ADAMTS8: variants seen among roughly 807,000 people sequenced by gnomAD.
ADAMTS8 encodes A disintegrin and metalloproteinase with thrombospondin motifs 8.
A neutral mutation model predicts 64.4 loss-of-function variants in ADAMTS8; 50 were observed. The observed-to-expected ratio is 0.78, with a 90% confidence interval of 0.62 to 0.98. ADAMTS8 has a LOEUF of 0.98. Ranked by LOEUF, ADAMTS8 falls within the 50% of genes least tolerant of loss-of-function variation. The probability of loss-of-function intolerance (pLI) is 0.00; values close to 1 mark genes in which losing one functional copy is unlikely to be tolerated. For missense variants in ADAMTS8, 1,192 were observed against 1,208.2 expected (o/e 0.99, Z 0.20); for synonymous variants, 556 against 533.6 (o/e 1.04, Z -0.58).
intron 5 of ADAMTS8, among the ~76,000 whole-genome samples, chr11:130,412,467 G>A (rs1384746311): frequency 2.6e-5 from 4 of 152,118 alleles, no homozygotes; most frequent in African/African-American, 9.7e-5. Context: ...ACCTGCCTCG[G>A]CCTCCCAAAG....
Position 130,416,375 on chromosome 11 carries a change from G to A in ADAMTS8, c.1097-45C>T. ...CCACTCCGCCCTGTCCTGCCTGAGG[G>A]CGCCCCACCTGGCCCAGCTAGGGAC... On this transcript the variant is annotated intron_variant, in intron 3 of 8. Transcript: ENST00000257359. The surrounding 1 kb of genome is among the most constrained non-coding windows in gnomAD (Gnocchi z 4.8). The A allele has an allele frequency of 6.7e-7, 1 of 1,502,496 alleles. No homozygotes were observed. The highest frequency in any genetic ancestry group is 1.3e-5 in the South Asian group (1 of 79,476). 93.1% of individuals were successfully genotyped at this position (1,502,496 alleles called of 1,614,324 possible). A position where few individuals can be genotyped will look rare whatever the true frequency, so the allele number is the denominator to read the frequency against.
In ADAMTS8 at chr11:130,411,667, G is replaced by A; in HGVS notation, c.1567-67C>T. On this transcript the variant is annotated intron_variant, in intron 5 of 8. Coordinates refer to ENST00000257359, the MANE Select transcript of ADAMTS8 (RefSeq NM_007037.6). The surrounding 1 kb of genome is among the most constrained non-coding windows in gnomAD (Gnocchi z 4.2). ...GGAGGCTTCAGTATCTGTGTCACTG[G>A]GTGGCCAATGCCCTGGCTTCCTCAT... 6.5e-7 allele frequency: 1 copy of A among 1,533,554 alleles called. No individual in the cohort carries two copies. Among genetic ancestry groups the A allele is most frequent in the South Asian group, 1.2e-5 (1 of 84,404 alleles). 95.0% of individuals were successfully genotyped at this position (1,533,554 alleles called of 1,614,324 possible).
intron 1 of ADAMTS8, among the ~76,000 whole-genome samples, chr11:130,423,243 A>G (rs1862122845): frequency 6.6e-6 from 1 of 152,202 alleles, no homozygotes; most frequent in Non-Finnish European, 1.5e-5. Context: ...CGATCTTTGG[A>G]CACTGAGACA....
At chr11:130,425,732 C>A (rs1862156760) in intron 1 of ADAMTS8, among the ~76,000 whole-genome samples, 1 of 151,928 alleles carries the variant, frequency 6.6e-6, no homozygotes, top group Non-Finnish European at 1.5e-5. Context: ...TCCCGAGTAG[C>A]TGGGACTACA....
chr11:130,408,499 G>C lies in ADAMTS8; in HGVS notation c.2064C>G (p.Ser688=). Residue 688 remains serine, a synonymous_variant, in exon 8 of 9, where the codon TCC becomes TCG. Transcript: ENST00000257359. ...TGAGGGACCCGGAGACCTTCCTGCA[G>C]GAGTTGCCTTTGCCCCCACACACCC... ...KCGVCGGKGN[S]CRKVSGSLTP... 1 of 1,614,058 alleles carries C rather than the reference G, an allele frequency of 6.2e-7. No individual in the cohort carries two copies. Among genetic ancestry groups the C allele is most frequent in the Non-Finnish European group, 8.5e-7 (1 of 1,180,006 alleles).
intron 1 of ADAMTS8, among the ~76,000 whole-genome samples, chr11:130,423,982 T>C (rs1361178760): frequency 6.6e-6 from 1 of 152,250 alleles, no homozygotes; most frequent in East Asian, 1.9e-4. Flanking sequence ...GACAGAGCTC[T>C]GGAAAACTTC....
chr11:130,418,306 G>A (rs1184283781), intron 2 of ADAMTS8, among the ~76,000 whole-genome samples: 1 of 152,220 alleles, frequency 6.6e-6, no homozygotes, highest in Non-Finnish European at 1.5e-5. Context: ...ATGTAAGGGA[G>A]CCTGTTCTAT....
chr11:130,419,307 G>A lies in ADAMTS8; in HGVS notation c.721-15C>T. ...AGGATGTGGTTCTGTCAGGAAGGAG[G>A]AGACAAGAGGCGGAGTGAAGGGTTA... On this transcript the variant is annotated splice_polypyrimidine_tract_variant and intron_variant, in intron 1 of 8. Transcript: ENST00000257359. 2 of 1,613,714 alleles carry A rather than the reference G, an allele frequency of 1.2e-6. No homozygotes were observed. Among genetic ancestry groups the A allele is most frequent in the East Asian group, 2.2e-5 (1 of 44,878 alleles).
intron 1 of ADAMTS8, 92 bp downstream of exon 1, chr11:130,427,471 TTTTC>T (rs1862183066): frequency 8.6e-5 from 95 of 1,104,356 alleles, no homozygotes; most frequent in Middle Eastern, 3.3e-4. Context: ...TTTTTTTTTT[TTTTC>T]TCAGAGGGAT....
At chr11:130,423,951 T>C (rs1304494713) in intron 1 of ADAMTS8, among the ~76,000 whole-genome samples, 1 of 152,194 alleles carries the variant, frequency 6.6e-6, no homozygotes, top group East Asian at 1.9e-4. Context: ...CCTTTTCTCA[T>C]GGGATTAAAT....
At chr11:130,420,467 G>T (rs1003258827) in intron 1 of ADAMTS8, among the ~76,000 whole-genome samples, 82 of 152,254 alleles carry the variant, frequency 5.4e-4, no homozygotes, top group African/African-American at 1.9e-3. Flanking sequence ...AGCCTGGAGT[G>T]TGGTCAGTTG....
Position 130,406,110 on chromosome 11 carries a change from A to C in ADAMTS8, c.2118T>G (p.Ile706Met), listed in dbSNP as rs762462998. ...LTPTNYGYND[I>M]VTIPAGATNI... The stretch of plus-strand genomic sequence containing the variant: ...TAGTGGCACCAGCTGGGATGGTGAC[A>C]ATGTCATTGTAGCCATAACTGTGAT... The change falls in exon 9 of 9, where the codon ATT becomes ATG. Residue 706 changes from isoleucine (I) to methionine (M), a missense_variant. This residue lies in a region of ADAMTS8 where 290 missense variants were observed against 297.8 expected (regional missense o/e 0.97). Coordinates refer to ENST00000257359, the MANE Select transcript of ADAMTS8 (RefSeq NM_007037.6). The C allele has an allele frequency of 1.9e-6, 3 of 1,609,566 alleles. No homozygotes were observed. The highest frequency in any genetic ancestry group is 2.5e-6 in the Non-Finnish European group (3 of 1,179,464).
At chr11:130,425,557 A>G (rs80213142) in intron 1 of ADAMTS8, among the ~76,000 whole-genome samples, 3,527 of 151,490 alleles carry the variant, frequency 0.023, 130 homozygotes, top group African/African-American at 0.08. Flanking sequence ...CTGGGTTTGC[A>G]ATGGGTGCAT....
At chr11:130,412,010 C>T (rs748064410) in intron 5 of ADAMTS8, 6 of 207,394 alleles carry the variant, frequency 2.9e-5, no homozygotes, top group African/African-American at 6.8e-5. Flanking sequence ...GGAGGGTGTA[C>T]GTGACCACAT....
intron 1 of ADAMTS8, among the ~76,000 whole-genome samples, chr11:130,419,586 T>G (rs1329014971): frequency 6.6e-6 from 1 of 152,248 alleles, no homozygotes; most frequent in Non-Finnish European, 1.5e-5. Context: ...GGGGACGACC[T>G]AAATCCAAAT....
chr11:130,410,529 T>C (rs1316449446), intron 6 of ADAMTS8, among the ~76,000 whole-genome samples: 3 of 152,166 alleles, frequency 2.0e-5, no homozygotes, highest in African/African-American at 7.2e-5. Flanking sequence ...CCTCAAACCA[T>C]TGTGGATCCT....
At chr11:130,409,405 T>C (rs1373438913) in intron 6 of ADAMTS8, among the ~76,000 whole-genome samples, 1 of 152,130 alleles carries the variant, frequency 6.6e-6, no homozygotes. Context: ...ATTCCGTAAT[T>C]CTGGGTGTCC....
rs1189800627 is a variant in ADAMTS8, at chr11:130,411,099, G to A, written c.1750+318C>T. Among the ~76,000 whole-genome samples the A allele has an allele frequency of 6.6e-6, 1 of 152,116 alleles. No homozygotes were observed. The highest frequency in any genetic ancestry group is 1.5e-5 in the Non-Finnish European group (1 of 68,024). On this transcript the variant is annotated intron_variant, in intron 6 of 8. Transcript: ENST00000257359. This position sits in a 1 kb window ranked among gnomAD's most constrained non-coding sequence, Gnocchi z 4.2. ...GCAGAGGCTCCTCCCCAATAAGTTTGGTTGGGAGTGATGTCCTCCTCTCCA... is the reference window on the plus strand; with the variant it reads ...GCAGAGGCTCCTCCCCAATAAGTTTAGTTGGGAGTGATGTCCTCCTCTCCA...
intron 1 of ADAMTS8, 128 bp downstream of exon 1, chr11:130,427,439 G>C: frequency 2.7e-6 from 3 of 1,109,806 alleles, no homozygotes; most frequent in Non-Finnish European, 3.7e-6. Flanking sequence ...TGGAGAAGAT[G>C]AGTGGGGAGG....
Sources: allele counts gnomAD v4.1 joint callset (sites outside exome capture counted in the v4.1 genomes callset), GRCh38; gene constraint gnomAD v4.1.1; regional missense constraint gnomAD v4.1.1; non-coding constraint Gnocchi (gnomAD v3.1); transcripts MANE v1.5; gene names NCBI Gene and HGNC (gene_info 2026-07-23, HGNC 2026-07-21).